The following RANBP17 variants were observed in gnomAD, a reference collection of about 807,000 sequenced individuals.
RANBP17 encodes the protein ran-binding protein 17.
A neutral mutation model predicts 141.2 loss-of-function variants in RANBP17; 158 were observed. That is an observed-to-expected ratio of 1.12 (90% CI 0.98 to 1.28). The LOEUF is 1.28. Among genes scored for constraint, RANBP17 ranks in the 50% most tolerant of loss-of-function variants. The pLI, the probability that RANBP17 is intolerant of heterozygous loss-of-function variation, is 0.00. For synonymous variants in RANBP17, 430 were observed against 450.0 expected (o/e 0.96, Z 0.56); for missense variants, 1,438 against 1,290.7 (o/e 1.11, Z -1.75).
At chr5:171,193,361 G>C (rs1761773326) in intron 18 of RANBP17, among the ~76,000 whole-genome samples, 1 of 152,032 alleles carries the variant, frequency 6.6e-6, no homozygotes, top group Admixed American at 6.5e-5. Flanking sequence ...AATGCATTTT[G>C]GTTTCTACTC....
At chr5:171,059,858 TCTC>T (rs1195296635) in intron 14 of RANBP17, among the ~76,000 whole-genome samples, 1 of 54,960 alleles carries the variant, frequency 1.8e-5, no homozygotes, top group Non-Finnish European at 3.9e-5. Flanking sequence ...GGTTTGTAGT[TCTC>T]CTTGAAGAGG....
chr5:171,191,453 C>T (rs1158892473), intron 18 of RANBP17, among the ~76,000 whole-genome samples: 2 of 152,214 alleles, frequency 1.3e-5, no homozygotes, highest in East Asian at 3.9e-4. Flanking sequence ...CTTTGGGAGG[C>T]CGAGGCAGGC....
chr5:171,081,321 T>C (rs529925665), intron 14 of RANBP17, among the ~76,000 whole-genome samples: 2 of 152,162 alleles, frequency 1.3e-5, no homozygotes, highest in Admixed American at 6.5e-5. Flanking sequence ...ATCATGGTCA[T>C]TGAATAAAAG....
At chr5:171,092,388 C>G (rs1354293865) in intron 14 of RANBP17, among the ~76,000 whole-genome samples, 3 of 152,090 alleles carry the variant, frequency 2.0e-5, no homozygotes, top group African/African-American at 7.2e-5. Context: ...CAAAAATGTT[C>G]CCAGTTTGTG....
At chr5:170,929,144 T>C (rs371846363) in intron 12 of RANBP17, among the ~76,000 whole-genome samples, 1 of 152,146 alleles carries the variant, frequency 6.6e-6, no homozygotes, top group Admixed American at 6.5e-5. Flanking sequence ...TTTCATAGAT[T>C]CTTAGGATTG....
intron 18 of RANBP17, among the ~76,000 whole-genome samples, chr5:171,187,175 C>T (rs930027911): frequency 2.0e-5 from 3 of 151,998 alleles, no homozygotes; most frequent in South Asian, 2.1e-4. Context: ...AAGGAATGGC[C>T]GGTTTGTGGA....
At chr5:170,910,755 A>T (rs1771458723) in intron 6 of RANBP17, 3 of 496,678 alleles carry the variant, frequency 6.0e-6, no homozygotes, top group Middle Eastern at 1.1e-3. Flanking sequence ...CAGAGTTCTG[A>T]TTGCCTTTAT....
chr5:171,274,153 C>CGT (rs943236363), intron 25 of RANBP17, among the ~76,000 whole-genome samples: 15 of 136,876 alleles, frequency 1.1e-4, no homozygotes, highest in Admixed American at 5.2e-4. Flanking sequence ...TGTGTGTGCG[C>CGT]GCGCGCGCGC....
intron 4 of RANBP17, 22 bp from the exon 5 acceptor site, chr5:170,896,028 A>G (rs1250881491): frequency 2.0e-6 from 3 of 1,535,064 alleles, no homozygotes; most frequent in Non-Finnish European, 1.8e-6. Context: ...ACTTAGGCTA[A>G]ACTTTGTTAT....
intron 14 of RANBP17, among the ~76,000 whole-genome samples, chr5:171,165,944 T>C (rs1460877754): frequency 3.3e-5 from 5 of 152,230 alleles, no homozygotes; most frequent in Non-Finnish European, 5.9e-5. Flanking sequence ...ATTTGGGGTA[T>C]ATTATTTCAC....
intron 22 of RANBP17, among the ~76,000 whole-genome samples, chr5:171,224,863 C>A (rs1360263562): frequency 3.3e-5 from 5 of 152,176 alleles, no homozygotes; most frequent in Non-Finnish European, 7.3e-5. Flanking sequence ...ATTTACCATA[C>A]ATTACCCTGT....
intron 14 of RANBP17, among the ~76,000 whole-genome samples, chr5:171,027,788 A>G (rs1027264201): frequency 2.6e-5 from 4 of 152,012 alleles, no homozygotes; most frequent in African/African-American, 9.7e-5. Flanking sequence ...TTTCCTGGTT[A>G]TTTTGTAGAA....
intron 20 of RANBP17, among the ~76,000 whole-genome samples, chr5:171,212,776 A>G (rs1410525312): frequency 6.6e-6 from 1 of 152,210 alleles, no homozygotes; most frequent in East Asian, 1.9e-4. Flanking sequence ...AAATTAAGGC[A>G]GTGACATAGA....
chr5:171,216,787 T>A (rs1443984541), intron 21 of RANBP17, among the ~76,000 whole-genome samples: 2 of 152,254 alleles, frequency 1.3e-5, no homozygotes, highest in African/African-American at 4.8e-5. Flanking sequence ...CTGAAATTGC[T>A]TATCAGTTTA....
At chr5:171,152,229 A>G (rs560410780) in intron 14 of RANBP17, among the ~76,000 whole-genome samples, 2 of 151,502 alleles carry the variant, frequency 1.3e-5, no homozygotes, top group Non-Finnish European at 2.9e-5. Context: ...CCTGGCCAAC[A>G]TGGTGAAACT....
intron 2 of RANBP17, among the ~76,000 whole-genome samples, chr5:170,881,595 C>T (rs1221817055): frequency 6.6e-6 from 1 of 152,160 alleles, no homozygotes; most frequent in Admixed American, 6.5e-5. Flanking sequence ...ACATCTCCCT[C>T]AACTAATGAT....
intron 14 of RANBP17, among the ~76,000 whole-genome samples, chr5:171,165,135 C>T (rs1453069722): frequency 6.6e-6 from 1 of 152,042 alleles, no homozygotes; most frequent in African/African-American, 2.4e-5. Flanking sequence ...GCTCTGAGTT[C>T]GGGATCATCA....
At chr5:171,111,146 G>C (rs1313592447) in intron 14 of RANBP17, among the ~76,000 whole-genome samples, 2 of 152,042 alleles carry the variant, frequency 1.3e-5, no homozygotes, top group Non-Finnish European at 2.9e-5. Flanking sequence ...AGAAAGGTCA[G>C]AGTATTCTTC....
chr5:171,280,726 T>G (rs1007976447), intron 25 of RANBP17, among the ~76,000 whole-genome samples: 5 of 152,206 alleles, frequency 3.3e-5, no homozygotes, highest in Non-Finnish European at 5.9e-5. Flanking sequence ...CTTTCATGAA[T>G]TAATGCTGCC....
Sources: gnomAD v4.1 joint callset for allele counts (sites outside exome capture counted in the v4.1 genomes callset) on GRCh38, gnomAD v4.1.1 for gene constraint, MANE v1.5 for transcripts, NCBI Gene and HGNC (gene_info 2026-07-23, HGNC 2026-07-21) for gene names.